RPA3: variants seen among roughly 807,000 people sequenced by gnomAD.
The protein encoded by RPA3 is replication protein A3, also known as replication protein A 14 kDa subunit.
In RPA3, 24 loss-of-function variants were observed where a neutral mutation model predicts 13.7. The ratio of observed to expected loss-of-function variants is 1.75; its 90% CI spans 1.27 to 2.46. The LOEUF (loss-of-function observed/expected upper bound fraction) is 2.46, where lower values mean the gene tolerates loss of function less well. Among genes scored for constraint, RPA3 ranks in the 30% most tolerant of loss-of-function variants. The probability of loss-of-function intolerance (pLI) is 0.00; values close to 1 mark genes in which losing one functional copy is unlikely to be tolerated. For missense variants in RPA3, 183 were observed against 151.0 expected (o/e 1.21, Z -1.11); for synonymous variants, 59 against 51.2 (o/e 1.15, Z -0.65).
At chr7:7,684,899 A>G (rs1257395760) in intron 4 of RPA3, among the ~76,000 whole-genome samples, 1 of 152,206 alleles carries the variant, frequency 6.6e-6, no homozygotes, top group Non-Finnish European at 1.5e-5. Context: ...TGCTTATTCC[A>G]TACAACATCT....
At chr7:7,715,063 C>A (rs906453735) in intron 2 of RPA3, 112 bp downstream of exon 2, 1 of 151,764 alleles carries the variant, frequency 6.6e-6, no homozygotes, top group African/African-American at 2.4e-5. Context: ...AATCTTAGAA[C>A]TTAAAAAAAA....
chr7:7,665,824 C>CTT (rs1331154292), intron 4 of RPA3, among the ~76,000 whole-genome samples: 2 of 143,124 alleles, frequency 1.4e-5, no homozygotes, highest in Non-Finnish European at 3.1e-5. Context: ...TTTCCATCAG[C>CTT]TTTTTTTTTT....
intron 4 of RPA3, chr7:7,673,433 C>A: frequency 1.1e-6 from 1 of 931,934 alleles, no homozygotes; most frequent in Non-Finnish European, 1.7e-6. Flanking sequence ...GAGACAGAAG[C>A]AGATGGATTC....
rs1222452721 is a variant in RPA3, at chr7:7,640,393, C to G, written c.26G>C (p.Arg9Thr). Residue 9 changes from arginine to threonine, a missense_variant, in exon 5 of 8, where the codon AGG (arginine) becomes ACG (threonine). Transcript: ENST00000223129. MVDMMDLP[R>T]SRINAGMLAQ... ...TAGCATGCCGGCGTTGATGCGCGAC[C>G]TGGGCAAGTCCATCATGTCCACCAT... 10 of 1,613,954 alleles carry G rather than the reference C, an allele frequency of 6.2e-6. No individual in the cohort carries two copies. Among genetic ancestry groups the G allele is most frequent in the Non-Finnish European group, 7.6e-6 (9 of 1,180,038 alleles).
chr7:7,692,448 C>T (rs920975744), intron 2 of RPA3: 18 of 152,194 alleles, frequency 1.2e-4, no homozygotes, highest in African/African-American at 3.4e-4. Context: ...ATGCTATGGG[C>T]ACCCACCTGC....
rs1327140722 is a variant in RPA3 at position 7,636,952 on chromosome 7, A to G, written c.*48T>C. 1 of 1,343,902 alleles carries G rather than the reference A, an allele frequency of 7.4e-7. No individual in the cohort carries two copies. The allele number at this position is 1,343,902 out of a possible 1,614,324, so 83.2% of individuals were successfully genotyped here. A position where few individuals can be genotyped will look rare whatever the true frequency, so the allele number is the denominator to read the frequency against. On this transcript the variant is annotated 3_prime_UTR_variant, in exon 8 of 8. Transcript: ENST00000223129. ...CCTCAAACAAGAAGGGCTTCCTTTA[A>G]TAGACTTTAATATAGCTCATTTACA...
chr7:7,655,253 C>T (rs770618271), intron 4 of RPA3, among the ~76,000 whole-genome samples: 18 of 152,154 alleles, frequency 1.2e-4, no homozygotes, highest in Non-Finnish European at 2.5e-4. Context: ...CCCCTTCCCC[C>T]AGTACTCTTT....
At position 7,699,047 on chromosome 7, in the gene RPA3, T is replaced by TG. The variant is rs1253153111; in HGVS notation, c.-1027-11720dup. Among the ~76,000 whole-genome samples, 269 of 121,520 alleles carry TG rather than the reference T, an allele frequency of 2.2e-3. 2 individuals are homozygous for TG. Among genetic ancestry groups the TG allele is most frequent in the African/African-American group, 7.6e-3 (243 of 31,834 alleles). The allele number at this position is 121,520 out of a possible 152,430, so 79.7% of individuals were successfully genotyped here. A position where few individuals can be genotyped will look rare whatever the true frequency, so the allele number is the denominator to read the frequency against. Reference sequence around the variant, plus strand: ...TTTTTATATAGTTTGTGTGTGTGTGTGTGGGGGGGGGGTAGATACCAGGTT... The same window carrying TG: ...TTTTTATATAGTTTGTGTGTGTGTGTGGTGGGGGGGGGGTAGATACCAGGTT... On this transcript the variant is annotated intron_variant, in intron 2 of 7. Coordinates refer to ENST00000223129, the MANE Select transcript of RPA3 (RefSeq NM_002947.5).
rs779922745 is a variant in RPA3 at position 7,647,957 on chromosome 7, T to C, written c.-757-6782A>G. 2.6e-5 allele frequency among the ~76,000 whole-genome samples: 4 copies of C among 152,308 alleles called. No homozygotes were observed. In the South Asian group the frequency reaches 8.3e-4, roughly 32 times the overall value. ...TTGCTACTATTATAGACGTGCCAGC[T>C]GTGTTTTGGTTAGAATTTATTTGTC... On this transcript the variant is annotated intron_variant, in intron 4 of 7. Transcript: ENST00000223129.
chr7:7,642,869 T>G (rs917822653), intron 4 of RPA3, among the ~76,000 whole-genome samples: 2 of 152,358 alleles, frequency 1.3e-5, no homozygotes, highest in Admixed American at 1.3e-4. Flanking sequence ...TAGGTGGTTT[T>G]ATCACACATG....
chr7:7,695,970 T>C (rs552664455), intron 2 of RPA3, among the ~76,000 whole-genome samples: 1 of 148,858 alleles, frequency 6.7e-6, no homozygotes, highest in South Asian at 2.1e-4. Context: ...AACCCTACTG[T>C]GTATATCTCC....
intron 5 of RPA3, 69 bp from the exon 6 acceptor site, chr7:7,639,213 T>C: frequency 2.6e-6 from 3 of 1,142,204 alleles, no homozygotes; most frequent in South Asian, 2.8e-5. Flanking sequence ...ATGAGTACAT[T>C]GATCCTTAGT....
At chr7:7,692,705 G>A (rs1780201028) in intron 2 of RPA3, among the ~76,000 whole-genome samples, 1 of 152,140 alleles carries the variant, frequency 6.6e-6, no homozygotes, top group Non-Finnish European at 1.5e-5. Flanking sequence ...CACCTCCTGG[G>A]TTCAAGTGAT....
At chr7:7,678,192 T>A (rs965672605) in intron 4 of RPA3, among the ~76,000 whole-genome samples, 5 of 151,974 alleles carry the variant, frequency 3.3e-5, no homozygotes, top group Non-Finnish European at 7.4e-5. Context: ...TGTACTAATT[T>A]ACATTCCTGC....
intron 3 of RPA3, among the ~76,000 whole-genome samples, chr7:7,686,543 A>G (rs1439211414): frequency 1.3e-5 from 2 of 152,222 alleles, no homozygotes; most frequent in Non-Finnish European, 2.9e-5. Context: ...TGAATGCATT[A>G]CTGAGAAGGC....
intron 2 of RPA3, among the ~76,000 whole-genome samples, chr7:7,693,987 C>G (rs773425134): frequency 1.4e-4 from 21 of 152,032 alleles, no homozygotes; most frequent in Non-Finnish European, 2.6e-4. Context: ...GTCAGTTGTT[C>G]TGGAATACTA....
intron 2 of RPA3, among the ~76,000 whole-genome samples, chr7:7,694,346 C>T (rs557064661): frequency 9.2e-5 from 14 of 152,130 alleles, no homozygotes; most frequent in South Asian, 8.3e-4. Context: ...ATATCCATCA[C>T]GTCAAGCATT....
intron 7 of RPA3, 54 bp from the exon 8 acceptor site, chr7:7,637,136 A>C (rs1295969853): frequency 8.4e-7 from 1 of 1,193,670 alleles, no homozygotes; most frequent in Non-Finnish European, 1.2e-6. Flanking sequence ...TTGTAACATC[A>C]ATTATTATCT....
chr7:7,710,613 A>G (rs537383461), intron 2 of RPA3, among the ~76,000 whole-genome samples: 2 of 152,332 alleles, frequency 1.3e-5, no homozygotes, highest in East Asian at 3.9e-4. Context: ...GGAATGTAAA[A>G]TGGTACAATT....
Sources: allele counts gnomAD v4.1 joint callset (sites outside exome capture counted in the v4.1 genomes callset), GRCh38; gene constraint gnomAD v4.1.1; transcripts MANE v1.5; gene names NCBI Gene and HGNC (gene_info 2026-07-23, HGNC 2026-07-21).